ASPRV1: variants seen among roughly 807,000 people sequenced by gnomAD.
ASPRV1 encodes the protein retroviral-like aspartic protease 1.
In ASPRV1, 7 loss-of-function variants were observed where a neutral mutation model predicts 11.0. That is an observed-to-expected ratio of 0.64 (90% CI 0.36 to 1.20). The LOEUF (loss-of-function observed/expected upper bound fraction) is 1.20, where lower values mean the gene tolerates loss of function less well. Ranked by LOEUF, ASPRV1 falls within the 50% of genes most tolerant of loss-of-function variation. The pLI is 0.02. For missense variants in ASPRV1, 299 were observed against 320.0 expected, an observed-to-expected ratio of 0.93 and a Z score of 0.50; for synonymous variants, 136 against 138.4, an observed-to-expected ratio of 0.98 and a Z score of 0.12.
chr2:70,023,141 T>A, the ASPRV1 span, among the ~76,000 whole-genome samples: 1 of 152,228 alleles, frequency 6.6e-6, no homozygotes, highest in African/African-American at 2.4e-5. Flanking sequence ...CAGGGCCTGA[T>A]AAGTAGTCCC....
the ASPRV1 span, chr2:69,935,298 G>T: frequency 7.7e-7 from 1 of 1,296,296 alleles, no homozygotes; most frequent in South Asian, 1.2e-5. Flanking sequence ...TGCCTGGGGT[G>T]CTTCTGGCCC....
At position 69,961,601 on chromosome 2, in the gene ASPRV1, T is replaced by C. The variant is rs1166987139; in HGVS notation, c.-165A>G. On this transcript the variant is annotated 5_prime_UTR_variant, in exon 1 of 1. Coordinates refer to ENST00000320256, the MANE Select transcript of ASPRV1 (RefSeq NM_152792.4). ...GAGGGAGCAGGCGCGGTCGGCTGGC[T>C]GACTGCTGGGGCAGAGGCAGGCAGT... The C allele has an allele frequency of 1.2e-6, 2 of 1,612,264 alleles. No individual in the cohort carries two copies. The highest frequency in any genetic ancestry group is 4.5e-5 in the East Asian group (2 of 44,860).
chr2:69,960,821 G>A lies in ASPRV1; in HGVS notation c.616C>T (p.Gln206Ter), dbSNP rs1678066466. The change falls in exon 1 of 1, where the codon CAG becomes TAG. Residue 206 changes from glutamine (Q) to a stop codon, truncating the protein, a stop_gained. Transcript: ENST00000320256. LOFTEE classifies it high-confidence loss of function. Reference sequence around the variant, plus strand: ...AAGTCCAGGATAGCATTGTGGTCCTGGAGCACATCAGTGCCAATGATGGCT... The same window carrying A: ...AAGTCCAGGATAGCATTGTGGTCCTAGAGCACATCAGTGCCAATGATGGCT... ...EEAIIGTDVL[Q>*]DHNAILDFEH... 3 of 1,614,006 alleles carry A rather than the reference G, an allele frequency of 1.9e-6. No individual in the cohort carries two copies. The highest frequency in any genetic ancestry group is 2.2e-5 in the South Asian group (2 of 91,076).
At chr2:69,935,768 A>G in the ASPRV1 span, among the ~76,000 whole-genome samples, 2,000 of 152,272 alleles carry the variant, frequency 0.013, 41 homozygotes, top group African/African-American at 0.045. Flanking sequence ...ATATTTTGCA[A>G]CCGGTCTACT....
At chr2:69,964,341 C>T (rs1318729907), upstream of ASPRV1, 3 of 455,918 alleles carry the variant, frequency 6.6e-6, no homozygotes, top group African/African-American at 2.0e-5. Context: ...ACCTCCACAA[C>T]AGAAACACGC....
the ASPRV1 span, among the ~76,000 whole-genome samples, chr2:69,946,825 C>G: frequency 2.6e-5 from 4 of 152,102 alleles, no homozygotes; most frequent in African/African-American, 9.7e-5. Context: ...GGCTATTTTC[C>G]AGGTAGTATC....
upstream of ASPRV1, among the ~76,000 whole-genome samples, chr2:69,965,284 C>T (rs538174567): frequency 5.3e-5 from 8 of 152,244 alleles, no homozygotes; most frequent in South Asian, 1.2e-3. Context: ...CCACCCGCCT[C>T]GGCCTCCCAA....
At chr2:70,047,596 C>T in the ASPRV1 span, among the ~76,000 whole-genome samples, 17 of 152,208 alleles carry the variant, frequency 1.1e-4, no homozygotes, top group Admixed American at 2.0e-4. Flanking sequence ...CTACCAGAGG[C>T]AGCTGGGGGA....
At chr2:70,081,905 G>T in the ASPRV1 span, among the ~76,000 whole-genome samples, 3 of 151,630 alleles carry the variant, frequency 2.0e-5, no homozygotes, top group African/African-American at 7.3e-5. Context: ...TTAAATAAAA[G>T]AGAAATAGAA....
At chr2:69,938,447 G>A in the ASPRV1 span, 2 of 652,384 alleles carry the variant, frequency 3.1e-6, no homozygotes, top group Non-Finnish European at 5.2e-6. Context: ...AGGATTGTGG[G>A]TTTCTGATTG....
At chr2:70,071,176 G>C in the ASPRV1 span, among the ~76,000 whole-genome samples, 1 of 152,134 alleles carries the variant, frequency 6.6e-6, no homozygotes. Context: ...TAAAGACTTA[G>C]CTCACCATCA....
chr2:69,938,376 T>C, the ASPRV1 span: 10 of 1,353,008 alleles, frequency 7.4e-6, no homozygotes, highest in East Asian at 9.3e-5. Flanking sequence ...CCCTTGCACG[T>C]AAACTTCAGT....
the ASPRV1 span, among the ~76,000 whole-genome samples, chr2:70,082,223 G>C: frequency 6.6e-6 from 1 of 151,974 alleles, no homozygotes; most frequent in South Asian, 2.1e-4. Flanking sequence ...GACCTCAGAT[G>C]GTCTACCCGC....
the ASPRV1 span, among the ~76,000 whole-genome samples, chr2:70,003,646 C>G: frequency 6.6e-6 from 1 of 152,206 alleles, no homozygotes; most frequent in Admixed American, 6.5e-5. Flanking sequence ...AGCAGCCCAC[C>G]AAGGGCCTTG....
At chr2:70,005,486 T>G in the ASPRV1 span, among the ~76,000 whole-genome samples, 18 of 152,244 alleles carry the variant, frequency 1.2e-4, no homozygotes, top group Non-Finnish European at 2.6e-4. Flanking sequence ...TTATTAAAGT[T>G]ACAGATTTTC....
the ASPRV1 span, among the ~76,000 whole-genome samples, chr2:69,992,192 A>G: frequency 6.6e-6 from 1 of 152,074 alleles, no homozygotes; most frequent in Non-Finnish European, 1.5e-5. Context: ...CAAGGGAAGT[A>G]GAATTGGAAA....
downstream of ASPRV1, among the ~76,000 whole-genome samples, chr2:69,959,274 T>C (rs1351173088): frequency 6.6e-6 from 1 of 152,106 alleles, no homozygotes; most frequent in African/African-American, 2.4e-5. Context: ...CCAATCTTCC[T>C]GGGCCCAAAG....
chr2:70,038,269 G>A, the ASPRV1 span, among the ~76,000 whole-genome samples: 1 of 152,204 alleles, frequency 6.6e-6, no homozygotes, highest in Non-Finnish European at 1.5e-5. Context: ...CATGAAGGCT[G>A]GGCAGAGTGG....
At chr2:69,951,357 G>A in the ASPRV1 span, among the ~76,000 whole-genome samples, 2 of 150,104 alleles carry the variant, frequency 1.3e-5, no homozygotes, top group South Asian at 4.2e-4. Flanking sequence ...CCGGGAGGCG[G>A]AGCTTGCAGT....
Sources: gnomAD v4.1 joint callset for allele counts (sites outside exome capture counted in the v4.1 genomes callset) on GRCh38, gnomAD v4.1.1 for gene constraint, MANE v1.5 for transcripts, NCBI Gene and HGNC (gene_info 2026-07-23, HGNC 2026-07-21) for gene names.